The following WDFY3 variants were observed in gnomAD, a reference collection of about 807,000 sequenced individuals.
WDFY3 encodes WD repeat and FYVE domain containing 3, also known as WD repeat and FYVE domain-containing protein 3.
WDFY3 carries 66 observed loss-of-function variants against 409.6 expected under a neutral mutation model. The observed-to-expected ratio is 0.16, with a 90% confidence interval of 0.13 to 0.20. The LOEUF (loss-of-function observed/expected upper bound fraction) is 0.20. Ranked by LOEUF, WDFY3 falls within the 10% of genes least tolerant of loss-of-function variation. The pLI, the probability that WDFY3 is intolerant of heterozygous loss-of-function variation, is 1.00. For synonymous variants in WDFY3, 1,521 were observed against 1,537.1 expected (o/e 0.99, Z 0.25); for missense variants, 3,031 against 4,298.1 (o/e 0.71, Z 8.24).
At position 84,672,909 on chromosome 4, in the gene WDFY3, G is replaced by T. The variant is rs534176653; in HGVS notation, c.10540C>A (p.Gln3514Lys). 2 of 1,599,824 alleles carry T rather than the reference G, an allele frequency of 1.3e-6. No individual in the cohort carries two copies. Among genetic ancestry groups the T allele is most frequent in the East Asian group, 2.3e-5 (1 of 43,554 alleles). The change falls in exon 68 of 68, where the codon CAG (glutamine) becomes AAG (lysine). Residue 3514 changes from glutamine (Q) to lysine (K), a missense_variant. Gln to Lys is a moderately conservative substitution (Grantham distance 53, BLOSUM62 1). Coordinates refer to ENST00000295888, the MANE Select transcript of WDFY3 (RefSeq NM_014991.6). ...RVCQNCYYNLQHERGSEDGPR... is the reference protein window; with the variant it reads ...RVCQNCYYNLKHERGSEDGPR... Reference sequence around the variant, plus strand: ...CCATCTTCTGAACCTCTCTCATGCTGTAAGTTATAATAACAGTTCTGACAA... The same window carrying T: ...CCATCTTCTGAACCTCTCTCATGCTTTAAGTTATAATAACAGTTCTGACAA...
intron 11 of WDFY3, among the ~76,000 whole-genome samples, chr4:84,820,623 C>A (rs1753917204): frequency 6.6e-6 from 1 of 151,990 alleles, no homozygotes. Context: ...TCAGATTTAT[C>A]AGAGAGGTAC....
intron 32 of WDFY3, among the ~76,000 whole-genome samples, chr4:84,758,257 T>C (rs982717515): frequency 1.3e-5 from 2 of 152,098 alleles, no homozygotes; most frequent in Admixed American, 6.6e-5. Flanking sequence ...TTATTATTTA[T>C]TCTTTAAGAT....
intron 25 of WDFY3, among the ~76,000 whole-genome samples, chr4:84,780,637 G>T (rs934437659): frequency 5.3e-5 from 8 of 151,974 alleles, no homozygotes; most frequent in Admixed American, 4.6e-4. Context: ...GGTTGCACGC[G>T]CCTACAATCT....
intron 62 of WDFY3, chr4:84,687,787 C>T (rs1560530113): frequency 8.3e-6 from 2 of 239,844 alleles, no homozygotes; most frequent in Non-Finnish European, 1.6e-5. Flanking sequence ...CACAGCCCAC[C>T]ACTGATCAGC....
chr4:84,733,094 T>G (rs375495865), intron 44 of WDFY3, among the ~76,000 whole-genome samples: 62 of 151,916 alleles, frequency 4.1e-4, no homozygotes, highest in African/African-American at 1.5e-3. Context: ...CTCAGAGAGG[T>G]TTAATGACCC....
chr4:84,697,993 G>A (rs1381065383), intron 56 of WDFY3, among the ~76,000 whole-genome samples: 2 of 152,096 alleles, frequency 1.3e-5, no homozygotes, highest in African/African-American at 2.4e-5. Context: ...GTTACCATAT[G>A]ATTTACAACA....
chr4:84,849,489 T>C lies in WDFY3; in HGVS notation c.304+413A>G, dbSNP rs184018102. Among the ~76,000 whole-genome samples the C allele has an allele frequency of 2.9e-3, 415 of 144,880 alleles. 3 individuals carry two copies. The highest frequency in any genetic ancestry group is 5.3e-3 in the Non-Finnish European group (356 of 67,080). On this transcript the variant is annotated intron_variant, in intron 5 of 67. Transcript: ENST00000295888. ...TCTAAGTAAATGATTAAAATAAGAG[T>C]ATACACATGTTTGAAGACTACAGAC...
In WDFY3 at chr4:84,687,928, T is replaced by C. The variant is rs1578135291; in HGVS notation, c.9543+158A>G. On this transcript the variant is annotated intron_variant, in intron 62 of 67. Coordinates refer to ENST00000295888, the MANE Select transcript of WDFY3 (RefSeq NM_014991.6). ...TAGTGCAGACACCTGATGGGTATAG[T>C]GCCTACAGCCCAGAAGTCCTGGGCT... 8.1e-6 allele frequency: 6 copies of C among 744,206 alleles called. No homozygotes were observed. The East Asian group carries it at 1.6e-4, about 19-fold the overall frequency. 46.1% of individuals were successfully genotyped at this position (744,206 alleles called of 1,614,324 possible).
chr4:84,745,118 G>A (rs1578337175), intron 36 of WDFY3, among the ~76,000 whole-genome samples: 1 of 152,104 alleles, frequency 6.6e-6, no homozygotes, highest in African/African-American at 2.4e-5. Context: ...CTTGTAATTA[G>A]GGTATGAAAA....
chr4:84,686,026 G>A (rs1375878619), intron 62 of WDFY3, among the ~76,000 whole-genome samples: 2 of 152,136 alleles, frequency 1.3e-5, no homozygotes, highest in Non-Finnish European at 2.9e-5. Flanking sequence ...GTGTTGTTCT[G>A]AAAACCTCTT....
chr4:84,889,911 A>T (rs375508781), intron 3 of WDFY3, among the ~76,000 whole-genome samples: 2 of 152,180 alleles, frequency 1.3e-5, no homozygotes, highest in South Asian at 2.1e-4. Flanking sequence ...AGTATGTTCC[A>T]AATTCTTATA....
chr4:84,948,249 ATCC>A (rs1348307603), intron 1 of WDFY3, among the ~76,000 whole-genome samples: 1 of 152,118 alleles, frequency 6.6e-6, no homozygotes, highest in African/African-American at 2.4e-5. Flanking sequence ...GCTTTTTCAT[ATCC>A]TCCTATTTCA....
chr4:84,851,081 C>A (rs1254446343), intron 4 of WDFY3, among the ~76,000 whole-genome samples: 1 of 149,276 alleles, frequency 6.7e-6, no homozygotes, highest in South Asian at 2.1e-4. Context: ...GCCACTATAT[C>A]CTGCCTAAAA....
At position 84,839,931 on chromosome 4, in the gene WDFY3, G is replaced by A. The variant is rs553588146; in HGVS notation, c.414+1223C>T. 4.6e-5 allele frequency among the ~76,000 whole-genome samples: 7 copies of A among 152,130 alleles called. No homozygotes were observed. In the South Asian group the frequency reaches 8.3e-4, roughly 18 times the overall value. On this transcript the variant is annotated intron_variant, in intron 6 of 67. Coordinates refer to ENST00000295888, the MANE Select transcript of WDFY3 (RefSeq NM_014991.6). ...AAATAAAAAGAAAACAGATCATTCC[G>A]AGGACAAAATTCTAAGAGATAATTA...
In WDFY3 at chr4:84,677,189, C is replaced by G. The variant is rs775072663; in HGVS notation, c.10457+10G>C. The G allele has an allele frequency of 6.2e-7, 1 of 1,613,988 alleles. No homozygotes were observed. The highest frequency in any genetic ancestry group is 8.5e-7 in the Non-Finnish European group (1 of 1,179,938). On this transcript the variant is annotated intron_variant, in intron 67 of 67. Transcript: ENST00000295888. ...CAATGTAAATTCAAAAAGCAGATAT[C>G]TTATCTTACTTCTGGCAGAAGAGCT... is the stretch of plus-strand genomic sequence containing the variant.
chr4:84,718,688 G>A, intron 47 of WDFY3, 118 bp from the exon 48 acceptor site: 1 of 1,235,500 alleles, frequency 8.1e-7, no homozygotes, highest in Non-Finnish European at 1.1e-6. Context: ...AGCATATTGA[G>A]AAGATTAAGC....
chr4:84,741,774 T>C lies in WDFY3; in HGVS notation c.6221A>G (p.Gln2074Arg). Residue 2074 changes from glutamine (Q) to arginine (R), a missense_variant, in exon 38 of 68, where the codon CAA becomes CGA. Gln to Arg is a conservative substitution (Grantham distance 43, BLOSUM62 1). Coordinates refer to ENST00000295888, the MANE Select transcript of WDFY3 (RefSeq NM_014991.6). ...ESKLLIDFIIQLIAQSKRRSQ... is the reference protein window; with the variant it reads ...ESKLLIDFIIRLIAQSKRRSQ... ...ACAATGGATTACCTGTGCAATTAGT[T>C]GAATTATAAAATCTATAAGAAGTTT... is the stretch of plus-strand genomic sequence containing the variant. 2 of 1,609,906 alleles carry C rather than the reference T, an allele frequency of 1.2e-6. No homozygotes were observed. The highest frequency in any genetic ancestry group is 1.7e-6 in the Non-Finnish European group (2 of 1,176,874).
intron 1 of WDFY3, among the ~76,000 whole-genome samples, chr4:84,935,152 G>A (rs77028444): frequency 0.061 from 9,289 of 152,022 alleles, 376 homozygotes; most frequent in Admixed American, 0.12. Context: ...TCCAAGTTTT[G>A]TTTTGCTATT....
At chr4:84,699,136 G>A (rs899523699) in intron 56 of WDFY3, among the ~76,000 whole-genome samples, 3 of 151,232 alleles carry the variant, frequency 2.0e-5, no homozygotes, top group African/African-American at 4.9e-5. Flanking sequence ...ACAATGTTAC[G>A]CAACCACGAT....
Sources: allele counts gnomAD v4.1 joint callset (sites outside exome capture counted in the v4.1 genomes callset), GRCh38; gene constraint gnomAD v4.1.1; transcripts MANE v1.5; gene names NCBI Gene and HGNC (gene_info 2026-07-23, HGNC 2026-07-21).